PTPRM: variants seen among roughly 807,000 people sequenced by gnomAD.
PTPRM encodes protein tyrosine phosphatase receptor type M.
In PTPRM, 47 loss-of-function variants were observed where a neutral mutation model predicts 186.7. That is an observed-to-expected ratio of 0.25 (90% CI 0.20 to 0.32). PTPRM has a LOEUF of 0.32. PTPRM is among the 10% of genes least tolerant of loss of function. The pLI is 1.00. For synonymous variants in PTPRM, 668 were observed against 674.9 expected, an observed-to-expected ratio of 0.99 and a Z score of 0.16; for missense variants, 1,494 against 1,865.0, an observed-to-expected ratio of 0.80 and a Z score of 3.66.
intron 14 of PTPRM, among the ~76,000 whole-genome samples, chr18:8,235,456 C>CTTTTTTTTTTTTTTTTTTT (rs58166609): frequency 2.0e-5 from 2 of 102,322 alleles, no homozygotes; most frequent in African/African-American, 4.0e-5. Context: ...TCTGTGTCTT[C>CTTTTTTTTTTTTTTTTTTT]TTTTTTTTTT....
intron 7 of PTPRM, among the ~76,000 whole-genome samples, chr18:8,051,079 A>G (rs1242057204): frequency 2.0e-5 from 3 of 152,106 alleles, no homozygotes; most frequent in Non-Finnish European, 4.4e-5. Context: ...GGGCTTTGTA[A>G]TTCTTTTCAA....
chr18:8,207,101 C>T (rs776946200), intron 14 of PTPRM, among the ~76,000 whole-genome samples: 35 of 152,100 alleles, frequency 2.3e-4, no homozygotes, highest in Non-Finnish European at 4.9e-4. Context: ...GGTTCTGATC[C>T]GCCCAATTTA....
chr18:7,914,781 C>A (rs1235862735), intron 4 of PTPRM, among the ~76,000 whole-genome samples: 1 of 152,056 alleles, frequency 6.6e-6, no homozygotes, highest in East Asian at 1.9e-4. Context: ...TGGTTCTCAG[C>A]GTTAGAGTAA....
Position 7,885,572 on chromosome 18 carries a change from T to A in PTPRM, c.197-2534T>A, listed in dbSNP as rs138747910. On this transcript the variant is annotated intron_variant, in intron 2 of 32. Transcript: ENST00000580170. ...AGAGGACTTGTGTGTAATAGGGATG[T>A]CACTCCCCTGTCTAGTAATCCTCTA... Among the ~76,000 whole-genome samples the A allele has an allele frequency of 1.4e-4, 22 of 152,292 alleles. No individual in the cohort carries two copies. In the East Asian group the frequency reaches 3.3e-3, roughly 23 times the overall value.
chr18:8,376,398 T>C, intron 25 of PTPRM, 64 bp from the exon 26 acceptor site: 1 of 1,608,288 alleles, frequency 6.2e-7, no homozygotes, highest in South Asian at 1.1e-5. Flanking sequence ...GATAAAAAAT[T>C]TAAAAAGCAG....
intron 24 of PTPRM, among the ~76,000 whole-genome samples, chr18:8,372,402 T>C (rs1407133729): frequency 1.3e-5 from 2 of 152,158 alleles, no homozygotes; most frequent in African/African-American, 4.8e-5. Flanking sequence ...TGCATCTAAA[T>C]GCGCTTTTTA....
Position 7,774,129 on chromosome 18 carries a change from T to C in PTPRM, c.74-20T>C. On this transcript the variant is annotated intron_variant, in intron 1 of 32. Transcript: ENST00000580170. ...GGTCTGGTTGGTATTTACATTACTT[T>C]TTATTCTTTTACATTTTAGGTGGCT... The C allele has an allele frequency of 1.3e-6, 2 of 1,598,068 alleles. No individual in the cohort carries two copies. Among genetic ancestry groups the C allele is most frequent in the Non-Finnish European group, 1.7e-6 (2 of 1,166,448 alleles).
chr18:8,113,749 G>A lies in PTPRM; in HGVS notation c.2120G>A (p.Arg707Lys). The A allele has an allele frequency of 6.2e-7, 1 of 1,613,082 alleles. No individual in the cohort carries two copies. The highest frequency in any genetic ancestry group is 8.5e-7 in the Non-Finnish European group (1 of 1,179,388). The change falls in exon 12 of 33, where the codon AGA (arginine) becomes AAA (lysine). Residue 707 changes from arginine to lysine, a missense_variant. By Grantham distance (26) the Arg-to-Lys change is conservative (BLOSUM62 2). Transcript: ENST00000580170. The part of the protein sequence containing the change: ...SYRIYFQAAS[R>K]ANGETKIDCV... ...AGAATTTATTTCCAAGCTGCTAGTA[G>A]AGCCAATGGGGTAAGTTGTACAGAT...
rs2095837566 is a variant in PTPRM at position 8,394,762 on chromosome 18, T to G, written c.4344+151T>G. On this transcript the variant is annotated intron_variant, in intron 32 of 32. Transcript: ENST00000580170. ...TCACTTTGCTTGTAGGGCTTTTTTCTTCTTTCTTGTTCTCCCTCTTCCTCT... is the reference window on the plus strand; with the variant it reads ...TCACTTTGCTTGTAGGGCTTTTTTCGTCTTTCTTGTTCTCCCTCTTCCTCT... The G allele has an allele frequency of 6.4e-6, 5 of 782,710 alleles. No homozygotes were observed. The South Asian group carries it at 1.5e-4, about 24-fold the overall frequency. The allele number at this position is 782,710 out of a possible 1,614,324, so 48.5% of individuals were successfully genotyped here. A position where few individuals can be genotyped will look rare whatever the true frequency, so the allele number is the denominator to read the frequency against.
chr18:7,798,531 A>G (rs2043788644), intron 2 of PTPRM, among the ~76,000 whole-genome samples: 1 of 152,004 alleles, frequency 6.6e-6, no homozygotes, highest in African/African-American at 2.4e-5. Flanking sequence ...TCCGTCTCAA[A>G]AAAAAAAAAG....
At chr18:7,642,039 T>C (rs1412260216) in intron 1 of PTPRM, among the ~76,000 whole-genome samples, 3 of 152,214 alleles carry the variant, frequency 2.0e-5, no homozygotes, top group African/African-American at 7.2e-5. Context: ...CCACTCTGTG[T>C]TCTACCTGCT....
At chr18:7,801,276 T>C (rs1263241075) in intron 2 of PTPRM, among the ~76,000 whole-genome samples, 1 of 152,214 alleles carries the variant, frequency 6.6e-6, no homozygotes, top group African/African-American at 2.4e-5. Flanking sequence ...TCTATAAGCC[T>C]TTTTCAATTT....
intron 1 of PTPRM, chr18:7,741,633 G>T (rs1200501401): frequency 6.6e-6 from 1 of 152,076 alleles, no homozygotes; most frequent in Non-Finnish European, 1.5e-5. Flanking sequence ...CAAAACTATT[G>T]TAACTCTTAA....
chr18:7,757,218 T>A (rs991054652), intron 1 of PTPRM, among the ~76,000 whole-genome samples: 5 of 152,234 alleles, frequency 3.3e-5, no homozygotes, highest in Non-Finnish European at 5.9e-5. Context: ...CATGTCATCT[T>A]CTGGTCACAA....
At position 8,240,614 on chromosome 18, in the gene PTPRM, G is replaced by A. The variant is rs1455669647; in HGVS notation, c.2301-3444G>A. On this transcript the variant is annotated intron_variant, in intron 14 of 32. Coordinates refer to ENST00000580170, the MANE Select transcript of PTPRM (RefSeq NM_001105244.2). ...AACCTGCATGGAGAGAGAGAGAGAG[G>A]GAGGGAGAGAGAGAGAGAGAGAGAG... Among the ~76,000 whole-genome samples the A allele has an allele frequency of 4.9e-3, 165 of 33,714 alleles. 2 individuals are homozygous for A. The highest frequency in any genetic ancestry group is 0.024 in the African/African-American group (117 of 4,876). 22.1% of individuals were successfully genotyped at this position (33,714 alleles called of 152,430 possible). A position where few individuals can be genotyped will look rare whatever the true frequency, so the allele number is the denominator to read the frequency against.
rs564998096 is a variant in PTPRM, at chr18:7,894,229, G to C, written c.468+5852G>C. ...TATAGATTTCTTTATAAGGAGTTCT[G>C]TACTGGCCTGAAAATGTGACTCTGG... On this transcript the variant is annotated intron_variant, in intron 3 of 32. Coordinates refer to ENST00000580170, the MANE Select transcript of PTPRM (RefSeq NM_001105244.2). 1.1e-3 allele frequency among the ~76,000 whole-genome samples: 165 copies of C among 152,242 alleles called. No individual in the cohort carries two copies. In the Middle Eastern group the frequency reaches 0.017, roughly 16 times the overall value.
intron 11 of PTPRM, among the ~76,000 whole-genome samples, chr18:8,096,257 T>A (rs1401903183): frequency 6.6e-6 from 1 of 152,234 alleles, no homozygotes; most frequent in Non-Finnish European, 1.5e-5. Flanking sequence ...ACCTAAGTTT[T>A]TTATCATACT....
intron 14 of PTPRM, among the ~76,000 whole-genome samples, chr18:8,174,841 C>G (rs1458889495): frequency 6.6e-6 from 1 of 152,172 alleles, no homozygotes; most frequent in East Asian, 1.9e-4. Context: ...ACAAGTAGAG[C>G]CTTAAAAGAA....
rs114625566 is a variant in PTPRM, at chr18:8,184,977, T to C, written c.2300+41198T>C. ...TGCAGACTTTCAAAGGATACCACTT[T>C]CTTTCACCAAGTATAATCTAACTAT... On this transcript the variant is annotated intron_variant, in intron 14 of 32. Transcript: ENST00000580170. Among the ~76,000 whole-genome samples, 562 of 152,294 alleles carry C rather than the reference T, an allele frequency of 3.7e-3. 2 individuals are homozygous for C. Among genetic ancestry groups the C allele is most frequent in the African/African-American group, 0.012 (512 of 41,576 alleles).
Sources: allele counts gnomAD v4.1 joint callset (sites outside exome capture counted in the v4.1 genomes callset), GRCh38; gene constraint gnomAD v4.1.1; transcripts MANE v1.5; gene names NCBI Gene and HGNC (gene_info 2026-07-23, HGNC 2026-07-21).